NKAIN2: variants seen among roughly 807,000 people sequenced by gnomAD.
NKAIN2 encodes the protein sodium/potassium transporting ATPase interacting 2.
Under a neutral mutation model 32.6 loss-of-function variants are expected in NKAIN2, and 14 were observed. The ratio of observed to expected loss-of-function variants is 0.43; its 90% CI spans 0.28 to 0.67. NKAIN2 has a LOEUF of 0.67. Ranked by LOEUF, NKAIN2 falls within the 30% of genes least tolerant of loss-of-function variation. The pLI, the probability that NKAIN2 is intolerant of heterozygous loss-of-function variation, is 0.17. For synonymous variants in NKAIN2, 80 were observed against 87.2 expected (o/e 0.92, Z 0.46); for missense variants, 198 against 258.3 (o/e 0.77, Z 1.60).
intron 3 of NKAIN2, among the ~76,000 whole-genome samples, chr6:124,460,862 C>T (rs1776504471): frequency 6.6e-6 from 1 of 151,436 alleles, no homozygotes; most frequent in African/African-American, 2.4e-5. Context: ...ATGTATATTG[C>T]ATTGATTTGT....
chr6:124,046,512 TGA>T (rs1403966034), intron 1 of NKAIN2, among the ~76,000 whole-genome samples: 1 of 152,074 alleles, frequency 6.6e-6, no homozygotes, highest in African/African-American at 2.4e-5. Flanking sequence ...TTGAACCACT[TGA>T]CCCTTCTTGA....
intron 1 of NKAIN2, among the ~76,000 whole-genome samples, chr6:124,073,408 A>C (rs1783546936): frequency 6.6e-6 from 1 of 152,202 alleles, no homozygotes; most frequent in African/African-American, 2.4e-5. Context: ...ACTTCTGATA[A>C]AGTATATTTA....
intron 3 of NKAIN2, among the ~76,000 whole-genome samples, chr6:124,526,936 A>AT (rs1025372415): frequency 1.3e-5 from 2 of 151,758 alleles, no homozygotes; most frequent in African/African-American, 4.8e-5. Context: ...GGTCTGAATC[A>AT]TTTTTTTTCC....
chr6:124,552,817 A>T lies in NKAIN2; in HGVS notation c.274-105369A>T, dbSNP rs550696494. ...CCTGAGTATCTCAGTCGTTAAATTT[A>T]AGGATAATTGGTCTCCAAACTAGTA... On this transcript the variant is annotated intron_variant, in intron 3 of 6. Transcript: ENST00000368417. 1.5e-3 allele frequency among the ~76,000 whole-genome samples: 223 copies of T among 152,346 alleles called. 1 individual carries two copies. The highest frequency in any genetic ancestry group is 5.2e-3 in the African/African-American group (215 of 41,596).
chr6:124,409,647 A>G (rs1235104397), intron 3 of NKAIN2, among the ~76,000 whole-genome samples: 1 of 152,164 alleles, frequency 6.6e-6, no homozygotes, highest in African/African-American at 2.4e-5. Flanking sequence ...ATATTGGTCT[A>G]AAATTCTCTT....
At chr6:124,576,413 G>A (rs924010081) in intron 3 of NKAIN2, among the ~76,000 whole-genome samples, 1 of 152,122 alleles carries the variant, frequency 6.6e-6, no homozygotes, top group Non-Finnish European at 1.5e-5. Context: ...GATGCCAGTG[G>A]TCACACTTGA....
chr6:124,202,601 A>G (rs919672870), intron 1 of NKAIN2, among the ~76,000 whole-genome samples: 4 of 151,930 alleles, frequency 2.6e-5, no homozygotes, highest in African/African-American at 4.8e-5. Flanking sequence ...TCCTGATACT[A>G]TTACTTATTG....
At chr6:124,281,534 ACT>A (rs1795298102) in intron 1 of NKAIN2, among the ~76,000 whole-genome samples, 1 of 151,968 alleles carries the variant, frequency 6.6e-6, no homozygotes, top group South Asian at 2.1e-4. Context: ...CACTATTGAG[ACT>A]CTGATGAGTA....
intron 3 of NKAIN2, among the ~76,000 whole-genome samples, chr6:124,362,074 A>G (rs931250048): frequency 6.6e-6 from 1 of 152,034 alleles, no homozygotes; most frequent in Non-Finnish European, 1.5e-5. Flanking sequence ...ATAAAAATAT[A>G]TGAGCAATTA....
At chr6:124,218,024 T>A (rs941046530) in intron 1 of NKAIN2, among the ~76,000 whole-genome samples, 1 of 151,808 alleles carries the variant, frequency 6.6e-6, no homozygotes, top group African/African-American at 2.4e-5. Context: ...AAAGCTACAG[T>A]TCCAGAGTAA....
chr6:123,978,195 G>A (rs1355618311), intron 1 of NKAIN2, among the ~76,000 whole-genome samples: 2 of 152,080 alleles, frequency 1.3e-5, no homozygotes, highest in African/African-American at 4.8e-5. Context: ...TCCAGTTGCA[G>A]TTGGACTCTG....
intron 1 of NKAIN2, among the ~76,000 whole-genome samples, chr6:124,192,749 T>TG (rs1410833548): frequency 7.4e-6 from 1 of 134,586 alleles, no homozygotes; most frequent in Non-Finnish European, 1.6e-5. Context: ...CCGTTTTTTT[T>TG]TTTTTTTTTT....
intron 1 of NKAIN2, among the ~76,000 whole-genome samples, chr6:124,275,363 A>G (rs1212123995): frequency 6.6e-6 from 1 of 152,130 alleles, no homozygotes; most frequent in Non-Finnish European, 1.5e-5. Flanking sequence ...GCCATGTATG[A>G]TATTTCAGTA....
chr6:124,392,084 T>C (rs996685749), intron 3 of NKAIN2, among the ~76,000 whole-genome samples: 4 of 152,194 alleles, frequency 2.6e-5, no homozygotes, highest in Admixed American at 6.6e-5. Flanking sequence ...AATGATATTT[T>C]TCGTTCCTTT....
intron 4 of NKAIN2, among the ~76,000 whole-genome samples, chr6:124,661,232 A>G (rs1485277141): frequency 6.6e-6 from 1 of 152,184 alleles, no homozygotes; most frequent in African/African-American, 2.4e-5. Flanking sequence ...TTGGCTTCTT[A>G]GCTCCATGCA....
At chr6:124,704,000 A>C (rs912194354) in intron 4 of NKAIN2, among the ~76,000 whole-genome samples, 1 of 152,048 alleles carries the variant, frequency 6.6e-6, no homozygotes, top group African/African-American at 2.4e-5. Context: ...TATGGTACCG[A>C]AGAGTAGTAT....
intron 4 of NKAIN2, among the ~76,000 whole-genome samples, chr6:124,660,639 A>T (rs1207357465): frequency 6.6e-6 from 1 of 152,152 alleles, no homozygotes; most frequent in East Asian, 1.9e-4. Context: ...AGGATGTGAC[A>T]TCTTCACCTC....
intron 1 of NKAIN2, among the ~76,000 whole-genome samples, chr6:123,867,675 C>T (rs1582679833): frequency 6.6e-6 from 1 of 152,156 alleles, no homozygotes; most frequent in Non-Finnish European, 1.5e-5. Context: ...CCATTTCCCT[C>T]ATGCAAGAAT....
At chr6:124,819,388 G>A (rs753338270) in intron 6 of NKAIN2, among the ~76,000 whole-genome samples, 4 of 151,970 alleles carry the variant, frequency 2.6e-5, no homozygotes, top group East Asian at 1.9e-4. Flanking sequence ...ATCTTGCACC[G>A]TGCCTGCCTT....
Sources: gnomAD v4.1 joint callset for allele counts (sites outside exome capture counted in the v4.1 genomes callset) on GRCh38, gnomAD v4.1.1 for gene constraint, MANE v1.5 for transcripts, NCBI Gene and HGNC (gene_info 2026-07-23, HGNC 2026-07-21) for gene names.